SUCLG2: variants seen among roughly 807,000 people sequenced by gnomAD.
SUCLG2 encodes the protein succinate--CoA ligase [GDP-forming] subunit beta, mitochondrial.
A neutral mutation model predicts 47.9 loss-of-function variants in SUCLG2; 42 were observed. That is an observed-to-expected ratio of 0.88 (90% CI 0.69 to 1.14). SUCLG2 has a LOEUF of 1.14. Ranked by LOEUF, SUCLG2 falls within the 50% of genes most tolerant of loss-of-function variation. SUCLG2 has a pLI of 0.00. For missense variants in SUCLG2, 571 were observed against 525.9 expected (o/e 1.09, Z -0.84); for synonymous variants, 195 against 197.3 (o/e 0.99, Z 0.10).
chr3:67,389,323 TGGAGAG>T (rs1267529119), intron 10 of SUCLG2, among the ~76,000 whole-genome samples: 2 of 152,044 alleles, frequency 1.3e-5, no homozygotes, highest in Non-Finnish European at 2.9e-5. Context: ...GCTGCAACAC[TGGAGAG>T]AGTGCATGTG....
At chr3:67,575,340 C>T (rs1479248707) in intron 2 of SUCLG2, among the ~76,000 whole-genome samples, 4 of 152,210 alleles carry the variant, frequency 2.6e-5, no homozygotes, top group African/African-American at 9.7e-5. Flanking sequence ...TAATAAAATA[C>T]TATTCAGCAT....
At chr3:67,394,224 G>A (rs6771647) in intron 10 of SUCLG2, among the ~76,000 whole-genome samples, 305 of 152,130 alleles carry the variant, frequency 2.0e-3, no homozygotes, top group African/African-American at 5.2e-3. Context: ...AAACTACTCC[G>A]AGCTACAGGA....
chr3:67,428,427 C>T (rs142604223), intron 9 of SUCLG2, among the ~76,000 whole-genome samples: 152 of 152,174 alleles, frequency 1.0e-3, no homozygotes, highest in Non-Finnish European at 1.3e-3. Flanking sequence ...ACATCCACAC[C>T]GAAACCCCAT....
At chr3:67,647,172 C>G (rs537585530) in intron 1 of SUCLG2, among the ~76,000 whole-genome samples, 2 of 152,336 alleles carry the variant, frequency 1.3e-5, no homozygotes, top group East Asian at 3.9e-4. Flanking sequence ...AGTCCCCCCA[C>G]TCCAACCCAC....
intron 9 of SUCLG2, among the ~76,000 whole-genome samples, chr3:67,458,406 C>T (rs539587113): frequency 1.1e-3 from 173 of 152,180 alleles, no homozygotes; most frequent in Admixed American, 2.4e-3. Context: ...TATAATAAGT[C>T]GAGGGGGTAG....
intron 5 of SUCLG2, 67 bp downstream of exon 5, chr3:67,520,415 A>C: frequency 7.5e-6 from 12 of 1,606,746 alleles, no homozygotes; most frequent in Non-Finnish European, 1.0e-5. Flanking sequence ...TAGACTCCCC[A>C]TTAAATATTT....
At chr3:67,423,335 A>C (rs946107148) in intron 9 of SUCLG2, among the ~76,000 whole-genome samples, 1 of 152,170 alleles carries the variant, frequency 6.6e-6, no homozygotes, top group African/African-American at 2.4e-5. Context: ...ACTGTGAGTC[A>C]ATTTAAACTC....
chr3:67,447,431 G>T (rs1703953219), intron 9 of SUCLG2, among the ~76,000 whole-genome samples: 1 of 152,048 alleles, frequency 6.6e-6, no homozygotes, highest in Non-Finnish European at 1.5e-5. Context: ...GCAGGCATTG[G>T]GATAGATGCA....
Position 67,495,779 on chromosome 3 carries a change from C to T in SUCLG2, c.1062+19G>A. On this transcript the variant is annotated intron_variant, in intron 9 of 10. Transcript: ENST00000307227. ...AAATTAAAACTGGCATATAATCTCC[C>T]TACAAAGAGAAAGGTTACCTTAGGA... 6.2e-7 allele frequency: 1 copy of T among 1,612,508 alleles called. No individual in the cohort carries two copies. Among genetic ancestry groups the T allele is most frequent in the Non-Finnish European group, 8.5e-7 (1 of 1,179,756 alleles).
intron 9 of SUCLG2, among the ~76,000 whole-genome samples, chr3:67,463,262 A>G (rs73104326): frequency 0.023 from 3,525 of 152,320 alleles, 54 homozygotes; most frequent in African/African-American, 0.037. Context: ...TATTCTGCAC[A>G]TTGCCTGACA....
intron 9 of SUCLG2, among the ~76,000 whole-genome samples, chr3:67,488,116 T>C (rs1559544441): frequency 6.6e-6 from 1 of 151,788 alleles, no homozygotes; most frequent in African/African-American, 2.4e-5. Context: ...TGTGTATATA[T>C]ATATATTTTT....
At chr3:67,459,210 C>T (rs909652606) in intron 9 of SUCLG2, among the ~76,000 whole-genome samples, 5 of 152,012 alleles carry the variant, frequency 3.3e-5, no homozygotes, top group South Asian at 2.1e-4. Context: ...TTTAAGCTAA[C>T]GTGGCCTGCT....
chr3:67,545,809 T>G (rs1185278427), intron 2 of SUCLG2, among the ~76,000 whole-genome samples: 1 of 152,196 alleles, frequency 6.6e-6, no homozygotes, highest in Non-Finnish European at 1.5e-5. Flanking sequence ...TTATTTAATT[T>G]GCATGTTTGA....
chr3:67,442,849 C>T (rs1432068518), intron 9 of SUCLG2, among the ~76,000 whole-genome samples: 1 of 152,122 alleles, frequency 6.6e-6, no homozygotes, highest in Admixed American at 6.5e-5. Flanking sequence ...ATTTCCCAGA[C>T]TGAATTCAGA....
At chr3:67,490,775 T>C (rs1214036276) in intron 9 of SUCLG2, among the ~76,000 whole-genome samples, 2 of 152,286 alleles carry the variant, frequency 1.3e-5, no homozygotes, top group East Asian at 1.9e-4. Context: ...TTCATGTCTA[T>C]AGATGAGGTA....
intron 1 of SUCLG2, among the ~76,000 whole-genome samples, chr3:67,631,845 C>T (rs1258741886): frequency 6.6e-6 from 1 of 152,146 alleles, no homozygotes; most frequent in African/African-American, 2.4e-5. Flanking sequence ...AGACCTGGTG[C>T]TTCTTTAGTA....
chr3:67,387,316 T>C (rs573737061), intron 10 of SUCLG2, among the ~76,000 whole-genome samples: 2 of 152,210 alleles, frequency 1.3e-5, no homozygotes, highest in Non-Finnish European at 2.9e-5. Flanking sequence ...AAAATGTTGA[T>C]GTCAGACTGT....
intron 2 of SUCLG2, among the ~76,000 whole-genome samples, chr3:67,530,046 C>A (rs1011382611): frequency 3.9e-5 from 6 of 152,178 alleles, no homozygotes; most frequent in African/African-American, 1.4e-4. Context: ...AAATAGCACA[C>A]AACTGCAGAC....
chr3:67,542,782 A>T (rs545901392), intron 2 of SUCLG2, among the ~76,000 whole-genome samples: 1 of 152,342 alleles, frequency 6.6e-6, no homozygotes, highest in South Asian at 2.1e-4. Flanking sequence ...ACCATCCTCA[A>T]TATATATGCA....
Sources: gnomAD v4.1 joint callset for allele counts (sites outside exome capture counted in the v4.1 genomes callset) on GRCh38, gnomAD v4.1.1 for gene constraint, MANE v1.5 for transcripts, NCBI Gene and HGNC (gene_info 2026-07-23, HGNC 2026-07-21) for gene names.